Variants in FADS2 observed in about 807,000 individuals in gnomAD.
FADS2 encodes acyl-CoA 6-desaturase.
A neutral mutation model predicts 61.2 loss-of-function variants in FADS2; 18 were observed. The ratio of observed to expected loss-of-function variants is 0.29; its 90% CI spans 0.20 to 0.44. The LOEUF is 0.44. Among genes scored for constraint, FADS2 ranks in the 20% least tolerant of loss-of-function variants. The pLI is 1.00. For synonymous variants in FADS2, 203 were observed against 223.9 expected, an observed-to-expected ratio of 0.91 and a Z score of 0.83; for missense variants, 322 against 572.7, an observed-to-expected ratio of 0.56 and a Z score of 4.47.
At chr11:61,843,442 T>G (rs1591171516) in intron 4 of FADS2, among the ~76,000 whole-genome samples, 1 of 152,028 alleles carries the variant, frequency 6.6e-6, no homozygotes, top group Non-Finnish European at 1.5e-5. Context: ...AATAAATAAA[T>G]GCAAGCTGAA....
intron 4 of FADS2, among the ~76,000 whole-genome samples, chr11:61,845,112 C>T (rs1342808266): frequency 2.2e-5 from 3 of 134,138 alleles, no homozygotes; most frequent in Non-Finnish European, 3.1e-5. Flanking sequence ...ACAGTTATAC[C>T]GAGGAGCTTT....
intron 4 of FADS2, among the ~76,000 whole-genome samples, chr11:61,842,127 G>A (rs1351911177): frequency 1.3e-5 from 2 of 152,178 alleles, no homozygotes; most frequent in South Asian, 2.1e-4. Flanking sequence ...GGCAAGGGAC[G>A]AGCTACATGT....
intron 4 of FADS2, among the ~76,000 whole-genome samples, chr11:61,842,914 G>T (rs1300798781): frequency 6.6e-6 from 1 of 152,228 alleles, no homozygotes. Flanking sequence ...GCACAGGCTG[G>T]AAAGACCTGT....
At position 61,865,738 on chromosome 11, in the gene FADS2, G is replaced by A. The variant is rs760934918; in HGVS notation, c.*49G>A. On this transcript the variant is annotated 3_prime_UTR_variant, in exon 12 of 12. Transcript: ENST00000278840. This position sits in a 1 kb window ranked among gnomAD's most constrained non-coding sequence, Gnocchi z 4.1. ...GGGGAAGGGGTGCAGGTGGGGTGAT[G>A]GCCAGAGGAATGATGGGCTTTTGTT... 12 of 1,523,816 alleles carry A rather than the reference G, an allele frequency of 7.9e-6. No individual in the cohort carries two copies. Among genetic ancestry groups the A allele is most frequent in the South Asian group, 4.6e-5 (4 of 86,954 alleles). The allele number at this position is 1,523,816 out of a possible 1,614,324, so 94.4% of individuals were successfully genotyped here.
At chr11:61,826,211 C>T (rs1231533840), upstream of FADS2, 4 of 702,398 alleles carry the variant, frequency 5.7e-6, no homozygotes, top group Admixed American at 8.0e-5. Context: ...CTACCGCCGG[C>T]CTCATTGGAG....
rs144659223 is a variant in FADS2, at chr11:61,848,406, C to A, written c.744+122C>A. 1,274 of 1,511,202 alleles carry A rather than the reference C, an allele frequency of 8.4e-4. 8 individuals are homozygous for A. The East Asian group carries it at 0.015, about 18-fold the overall frequency. The allele number at this position is 1,511,202 out of a possible 1,614,324, so 93.6% of individuals were successfully genotyped here. ...AGTGTTTGGCCTGGGCGAATGGCAGCCATCGAGGTACGACTAAGGGGTTGG... is the reference window on the plus strand; with the variant it reads ...AGTGTTTGGCCTGGGCGAATGGCAGACATCGAGGTACGACTAAGGGGTTGG... On this transcript the variant is annotated intron_variant, in intron 5 of 11. Transcript: ENST00000278840.
chr11:61,818,648 T>C (rs1181524242), intron 1 of FADS2, among the ~76,000 whole-genome samples: 1 of 152,186 alleles, frequency 6.6e-6, no homozygotes, highest in Non-Finnish European at 1.5e-5. Context: ...TATTGATAGA[T>C]ATAGAATCCT....
chr11:61,824,494 G>GA (rs1565325435), upstream of FADS2, among the ~76,000 whole-genome samples: 14 of 8,488 alleles, frequency 1.6e-3, 2 homozygotes, highest in Non-Finnish European at 5.9e-3. Flanking sequence ...GAGAGAGAAA[G>GA]AAAGAAAGGA....
intron 1 of FADS2, among the ~76,000 whole-genome samples, chr11:61,818,292 T>C (rs1269738422): frequency 6.6e-6 from 1 of 152,174 alleles, no homozygotes; most frequent in African/African-American, 2.4e-5. Context: ...TAGGGAAGTT[T>C]AGATGTCCTG....
intron 5 of FADS2, among the ~76,000 whole-genome samples, chr11:61,852,216 A>G (rs1237366386): frequency 6.6e-6 from 1 of 152,116 alleles, no homozygotes. Flanking sequence ...ACTCATTGGA[A>G]GCTCGTAGTG....
intron 4 of FADS2, among the ~76,000 whole-genome samples, chr11:61,844,561 TA>T (rs2067240152): frequency 2.0e-5 from 3 of 147,426 alleles, no homozygotes; most frequent in Admixed American, 2.0e-4. Flanking sequence ...AAATAAAAAA[TA>T]AACATAAAAA....
chr11:61,856,136 G>A (rs1012448304), intron 5 of FADS2: 1 of 152,300 alleles, frequency 6.6e-6, no homozygotes, highest in Non-Finnish European at 1.5e-5. Flanking sequence ...GCATCTTTTG[G>A]TCTCAGTCCT....
Position 61,816,715 on chromosome 11 carries a change from G to A in FADS2, c.141+289G>A, listed in dbSNP as rs753242126. The A allele has an allele frequency of 2.1e-5, 33 of 1,572,368 alleles. No individual in the cohort carries two copies. The South Asian group carries it at 3.8e-4, about 18-fold the overall frequency. On this transcript the variant is annotated intron_variant, in intron 1 of 11. Transcript: ENST00000257261. This position sits in a 1 kb window ranked among gnomAD's most constrained non-coding sequence, Gnocchi z 7.0. ...GTCCCAGGTGAAGTAGCGCGGGGTA[G>A]GTCCCTGAGCCGCGGTCTCGGCGGC...
chr11:61,822,597 G>A (rs1010892679), intron 1 of FADS2, among the ~76,000 whole-genome samples: 7 of 152,196 alleles, frequency 4.6e-5, no homozygotes, highest in African/African-American at 1.7e-4. Flanking sequence ...GCCTGGGTAG[G>A]TAGGTCCCAG....
intron 1 of FADS2, among the ~76,000 whole-genome samples, chr11:61,835,483 C>T (rs1292202056): frequency 6.6e-6 from 1 of 151,756 alleles, no homozygotes; most frequent in Non-Finnish European, 1.5e-5. Flanking sequence ...AACCTTCCAC[C>T]TCCCTGGCTA....
upstream of FADS2, chr11:61,828,173 C>T: frequency 7.1e-7 from 1 of 1,411,942 alleles, no homozygotes; most frequent in South Asian, 1.5e-5. The surrounding 1 kb of genome is among the most constrained non-coding windows in gnomAD (Gnocchi z 6.4). Flanking sequence ...CTTGGGGGCA[C>T]TGGGAAGCCA....
intron 5 of FADS2, chr11:61,854,072 G>C (rs1413804842): frequency 1.3e-5 from 2 of 152,414 alleles, no homozygotes; most frequent in East Asian, 3.9e-4. Flanking sequence ...CGCAGCCTGG[G>C]AAGGCACTGT....
chr11:61,839,140 G>A (rs769743519), intron 2 of FADS2, among the ~76,000 whole-genome samples: 4 of 151,732 alleles, frequency 2.6e-5, no homozygotes, highest in Non-Finnish European at 4.4e-5. Flanking sequence ...CCTTGACTCC[G>A]CTTTGCCTCC....
At position 61,857,602 on chromosome 11, in the gene FADS2, G is replaced by A. The variant is rs570817881; in HGVS notation, c.882+72G>A. On this transcript the variant is annotated intron_variant, in intron 7 of 11. Coordinates refer to ENST00000278840, the MANE Select transcript of FADS2 (RefSeq NM_004265.4). Reference sequence around the variant, plus strand: ...GGACAGGGGGACCCGGGGGTCCTACGCTGCCTCCTCGTGTGCCCCAGTGGA... The same window carrying A: ...GGACAGGGGGACCCGGGGGTCCTACACTGCCTCCTCGTGTGCCCCAGTGGA... The A allele has an allele frequency of 1.0e-4, 139 of 1,342,298 alleles. No individual in the cohort carries two copies. The South Asian group carries it at 1.2e-3, about 12-fold the overall frequency. 83.1% of individuals were successfully genotyped at this position (1,342,298 alleles called of 1,614,324 possible).
Sources: allele counts gnomAD v4.1 joint callset (sites outside exome capture counted in the v4.1 genomes callset), GRCh38; gene constraint gnomAD v4.1.1; non-coding constraint Gnocchi (gnomAD v3.1); transcripts MANE v1.5; gene names NCBI Gene and HGNC (gene_info 2026-07-23, HGNC 2026-07-21).